The following ATP11A variants were observed in gnomAD, a reference collection of about 807,000 sequenced individuals.
ATP11A encodes phospholipid-transporting ATPase IH.
A neutral mutation model predicts 154.4 loss-of-function variants in ATP11A; 81 were observed. The ratio of observed to expected loss-of-function variants is 0.52; its 90% CI spans 0.44 to 0.63. ATP11A has a LOEUF of 0.63. Among genes scored for constraint, ATP11A ranks in the 30% least tolerant of loss-of-function variants. The probability of loss-of-function intolerance (pLI) is 0.00; values close to 1 mark genes in which losing one functional copy is unlikely to be tolerated. For missense variants in ATP11A, 1,316 were observed against 1,474.3 expected (o/e 0.89, Z 1.76); for synonymous variants, 623 against 585.9 (o/e 1.06, Z -0.91).
At chr13:112,810,511 G>C in intron 4 of ATP11A, 108 bp from the exon 5 acceptor site, 1 of 900,728 alleles carries the variant, frequency 1.1e-6, no homozygotes, top group Non-Finnish European at 1.8e-6. Context: ...CCACAGGCTT[G>C]GATTATGCTT....
At chr13:112,839,707 C>T (rs2079340485) in intron 16 of ATP11A, among the ~76,000 whole-genome samples, 1 of 152,078 alleles carries the variant, frequency 6.6e-6, no homozygotes, top group African/African-American at 2.4e-5. Context: ...TTTTTTATTC[C>T]AAGGCTGTTC....
At position 112,883,282 on chromosome 13, in the gene ATP11A, G is replaced by A. The variant is rs948520818; in HGVS notation, c.*1416G>A. The A allele has an allele frequency of 1.3e-5, 5 of 398,412 alleles. No homozygotes were observed. Among genetic ancestry groups the A allele is most frequent in the South Asian group, 1.3e-4 (1 of 7,842 alleles). The allele number at this position is 398,412 out of a possible 1,614,324, so 24.7% of individuals were successfully genotyped here. A position where few individuals can be genotyped will look rare whatever the true frequency, so the allele number is the denominator to read the frequency against. On this transcript the variant is annotated 3_prime_UTR_variant, in exon 30 of 30. Coordinates refer to ENST00000375645, the MANE Select transcript of ATP11A (RefSeq NM_015205.3). ...TGATAGGAAGTCCCTGTTGTTCTCC[G>A]TACTGGCATTTCTATTTCTAGAAAT...
intron 1 of ATP11A, among the ~76,000 whole-genome samples, chr13:112,775,818 G>A (rs1420326216): frequency 6.6e-6 from 1 of 152,108 alleles, no homozygotes; most frequent in Admixed American, 6.5e-5. Flanking sequence ...ACACCTCCAC[G>A]GCCCTGGCGC....
At chr13:112,736,135 G>A (rs1890982959) in intron 1 of ATP11A, among the ~76,000 whole-genome samples, 1 of 152,216 alleles carries the variant, frequency 6.6e-6, no homozygotes, top group Non-Finnish European at 1.5e-5. Context: ...GGTTGTGAGG[G>A]TAGCATGGAC....
intron 9 of ATP11A, 70 bp downstream of exon 9, chr13:112,823,479 G>T (rs572204344): frequency 1.3e-5 from 17 of 1,315,442 alleles, no homozygotes; most frequent in Non-Finnish European, 1.7e-5. Flanking sequence ...GTTAAAACCC[G>T]CAGCGGAACC....
intron 17 of ATP11A, 113 bp from the exon 18 acceptor site, chr13:112,850,924 A>T: frequency 1.0e-6 from 1 of 956,008 alleles, no homozygotes; most frequent in South Asian, 1.7e-5. Context: ...AAGGGTTACA[A>T]TTCTTGGGTT....
intron 29 of ATP11A, 182 bp from the exon 30 acceptor site, chr13:112,881,694 G>A: frequency 7.8e-7 from 1 of 1,274,066 alleles, no homozygotes. Context: ...TGTGTCCTGA[G>A]TTGAGTCTAG....
chr13:112,812,504 G>A (rs1480870014), intron 5 of ATP11A, among the ~76,000 whole-genome samples: 1 of 152,166 alleles, frequency 6.6e-6, no homozygotes, highest in Non-Finnish European at 1.5e-5. Flanking sequence ...CTGGAGGGAG[G>A]GCCTCCAAGC....
chr13:112,867,310 T>C (rs1204842692), intron 25 of ATP11A, among the ~76,000 whole-genome samples: 1 of 152,198 alleles, frequency 6.6e-6, no homozygotes, highest in Admixed American at 6.5e-5. Flanking sequence ...GCCTGGGTCA[T>C]ACCCGGACGT....
chr13:112,723,385 C>A (rs779600883), intron 1 of ATP11A, among the ~76,000 whole-genome samples: 1 of 131,488 alleles, frequency 7.6e-6, no homozygotes, highest in Non-Finnish European at 1.6e-5. Flanking sequence ...TATTCTCCTG[C>A]TTCAGCCTCT....
intron 1 of ATP11A, among the ~76,000 whole-genome samples, chr13:112,763,882 T>G (rs2077016053): frequency 6.6e-6 from 1 of 152,188 alleles, no homozygotes; most frequent in Non-Finnish European, 1.5e-5. Flanking sequence ...CTGTCACTTC[T>G]GTCTCCCTAA....
chr13:112,819,307 C>A lies in ATP11A; in HGVS notation c.574C>A (p.His192Asn). 6.2e-7 allele frequency: 1 copy of A among 1,614,138 alleles called. No homozygotes were observed. The highest frequency in any genetic ancestry group is 1.6e-4 in the Middle Eastern group (1 of 6,062). The change falls in exon 7 of 30, where the codon CAT becomes AAT. Residue 192 changes from histidine to asparagine, a missense_variant. His to Asn is a moderately conservative substitution (Grantham distance 68, BLOSUM62 1). Around this residue, in one of 5 missense-constraint regions of ATP11A, gnomAD observed 876 missense variants for 1,006.8 expected, o/e 0.87. Coordinates refer to ENST00000375645, the MANE Select transcript of ATP11A (RefSeq NM_015205.3). Reference protein sequence around the residue: ...SLDGESSHKTHYAVQDTKGFH... With the variant: ...SLDGESSHKTNYAVQDTKGFH... ...CACATGTCTTGTGCATTTGTAGACG[C>A]ATTACGCGGTCCAGGACACCAAAGG... is the stretch of plus-strand genomic sequence containing the variant.
intron 2 of ATP11A, among the ~76,000 whole-genome samples, chr13:112,791,210 G>C (rs2077845410): frequency 6.6e-6 from 1 of 152,350 alleles, no homozygotes; most frequent in Non-Finnish European, 1.5e-5. Flanking sequence ...GAAGCACCCA[G>C]GTGTCCACAT....
intron 2 of ATP11A, among the ~76,000 whole-genome samples, chr13:112,788,480 C>A (rs1487351093): frequency 6.7e-6 from 1 of 148,720 alleles, no homozygotes; most frequent in African/African-American, 2.5e-5. Context: ...TAATTCACAC[C>A]GGGTGTCCTG....
At chr13:112,740,871 C>G (rs948865654) in intron 1 of ATP11A, among the ~76,000 whole-genome samples, 1 of 152,196 alleles carries the variant, frequency 6.6e-6, no homozygotes, top group African/African-American at 2.4e-5. Context: ...CGTTGACCCA[C>G]CCACTTCCGC....
At chr13:112,854,890 A>G (rs1344628369) in intron 19 of ATP11A, among the ~76,000 whole-genome samples, 1 of 152,208 alleles carries the variant, frequency 6.6e-6, no homozygotes, top group Non-Finnish European at 1.5e-5. Flanking sequence ...CATCTGCTGG[A>G]GGAAGTGGAG....
At chr13:112,713,602 G>A (rs539816455) in intron 1 of ATP11A, among the ~76,000 whole-genome samples, 2 of 152,324 alleles carry the variant, frequency 1.3e-5, no homozygotes, top group South Asian at 2.1e-4. Context: ...AGAGGTCTCA[G>A]TAGGTGTCTG....
At chr13:112,791,957 G>T (rs2077871391) in intron 2 of ATP11A, among the ~76,000 whole-genome samples, 1 of 152,208 alleles carries the variant, frequency 6.6e-6, no homozygotes. Context: ...AGCGCCGTCT[G>T]CGTGCAGGTG....
rs1282852213 is a variant in ATP11A at position 112,785,635 on chromosome 13, C to T, written c.162+378C>T. Among the ~76,000 whole-genome samples, 9 of 152,186 alleles carry T rather than the reference C, an allele frequency of 5.9e-5. No homozygotes were observed. In the East Asian group the frequency reaches 1.2e-3, roughly 20 times the overall value. On this transcript the variant is annotated intron_variant, in intron 2 of 29. Transcript: ENST00000375645. This position sits in a 1 kb window ranked among gnomAD's most constrained non-coding sequence, Gnocchi z 4.8. ...AGTCTCAGTGCCAGTAAGGTAGAAA[C>T]GATACCAGCCACCCCGGAGAAAGAG...
Sources: allele counts gnomAD v4.1 joint callset (sites outside exome capture counted in the v4.1 genomes callset), GRCh38; gene constraint gnomAD v4.1.1; regional missense constraint gnomAD v4.1.1; non-coding constraint Gnocchi (gnomAD v3.1); transcripts MANE v1.5; gene names NCBI Gene and HGNC (gene_info 2026-07-23, HGNC 2026-07-21).